MACF1: variants seen among roughly 807,000 people sequenced by gnomAD.
MACF1 encodes the protein microtubule-actin cross-linking factor 1.
Under a neutral mutation model 854.8 loss-of-function variants are expected in MACF1, and 193 were observed. The ratio of observed to expected loss-of-function variants is 0.23; its 90% CI spans 0.20 to 0.25. The LOEUF (loss-of-function observed/expected upper bound fraction) is 0.25, where lower values mean the gene tolerates loss of function less well. MACF1 is among the 10% of genes least tolerant of loss of function. The pLI is 1.00. For missense variants in MACF1, 7,722 were observed against 8,929.1 expected (o/e 0.86, Z 5.45); for synonymous variants, 3,185 against 3,226.7 (o/e 0.99, Z 0.44).
At chr1:39,129,129 G>T (rs1341118082) in intron 2 of MACF1, among the ~76,000 whole-genome samples, 1 of 152,116 alleles carries the variant, frequency 6.6e-6, no homozygotes, top group African/African-American at 2.4e-5. Context: ...AAGCCTAAGG[G>T]AACACTTACC....
Position 39,486,358 on chromosome 1 carries a change from A to G in MACF1, c.*564A>G, listed in dbSNP as rs1224471791. 1 of 152,698 alleles carries G rather than the reference A, an allele frequency of 6.5e-6. No individual in the cohort carries two copies. Among genetic ancestry groups the G allele is most frequent in the African/African-American group, 2.4e-5 (1 of 41,476 alleles). The allele number at this position is 152,698 out of a possible 1,614,324, so 9.5% of individuals were successfully genotyped here. A position where few individuals can be genotyped will look rare whatever the true frequency, so the allele number is the denominator to read the frequency against. On this transcript the variant is annotated 3_prime_UTR_variant, in exon 101 of 101. Coordinates refer to ENST00000564288, the MANE Select transcript of MACF1 (RefSeq NM_001394062.1). Reference sequence around the variant, plus strand: ...AACCTCATCTAAGTAACATTTGCACATGATACAGCAAAAGGAGTTCATTGC... The same window carrying G: ...AACCTCATCTAAGTAACATTTGCACGTGATACAGCAAAAGGAGTTCATTGC...
intron 2 of MACF1, among the ~76,000 whole-genome samples, chr1:39,191,414 C>T (rs1366932377): frequency 6.6e-6 from 1 of 152,184 alleles, no homozygotes; most frequent in Non-Finnish European, 1.5e-5. Flanking sequence ...AGATTCATGT[C>T]TGAAGGATTA....
intron 38 of MACF1, among the ~76,000 whole-genome samples, chr1:39,338,722 A>G (rs767480691): frequency 2.6e-5 from 4 of 152,208 alleles, no homozygotes; most frequent in Non-Finnish European, 4.4e-5. Flanking sequence ...GTTCACATAC[A>G]TACTGAATTT....
intron 6 of MACF1, among the ~76,000 whole-genome samples, chr1:39,272,352 A>G (rs1645340150): frequency 6.6e-6 from 1 of 152,134 alleles, no homozygotes; most frequent in South Asian, 2.1e-4. Context: ...AGAGAAACAG[A>G]GAGGGCAACG....
chr1:39,361,252 T>A, intron 48 of MACF1, 108 bp from the exon 49 acceptor site: 1 of 1,095,810 alleles, frequency 9.1e-7, no homozygotes, highest in Non-Finnish European at 1.3e-6. Context: ...GGAGGCTCGG[T>A]TGCAGTCCTC....
intron 1 of MACF1, among the ~76,000 whole-genome samples, chr1:39,208,953 CAG>C (rs1482896414): frequency 1.3e-5 from 2 of 151,830 alleles, no homozygotes; most frequent in African/African-American, 4.8e-5. Flanking sequence ...TGAGGCAAAA[CAG>C]ATGTCAGTAA....
chr1:39,194,290 A>G (rs1298026056), intron 2 of MACF1, among the ~76,000 whole-genome samples: 2 of 148,296 alleles, frequency 1.3e-5, no homozygotes, highest in African/African-American at 5.0e-5. Context: ...GGCAGAATCC[A>G]TATCCGGAGG....
At chr1:39,390,674 C>T (rs971055798) in intron 58 of MACF1, among the ~76,000 whole-genome samples, 6 of 152,166 alleles carry the variant, frequency 3.9e-5, no homozygotes, top group Admixed American at 6.6e-5. Flanking sequence ...TTATAAGTGT[C>T]TCAAAAGCAG....
chr1:39,121,430 T>C (rs1642707486), intron 2 of MACF1, among the ~76,000 whole-genome samples: 1 of 152,036 alleles, frequency 6.6e-6, no homozygotes, highest in Admixed American at 6.6e-5. Context: ...ATGCCGGGTA[T>C]TTTGTTTTAT....
At chr1:39,417,255 C>G (rs1233361561) in intron 58 of MACF1, among the ~76,000 whole-genome samples, 1 of 152,214 alleles carries the variant, frequency 6.6e-6, no homozygotes, top group Non-Finnish European at 1.5e-5. Flanking sequence ...GTAATGGGAT[C>G]TGAGGCCTAC....
chr1:39,185,064 G>A (rs1328292804), intron 2 of MACF1, among the ~76,000 whole-genome samples: 1 of 152,212 alleles, frequency 6.6e-6, no homozygotes, highest in Non-Finnish European at 1.5e-5. Context: ...GGCCGAGGCA[G>A]GTGGATCACG....
chr1:39,455,727 T>C lies in MACF1; in HGVS notation c.21075+630T>C, dbSNP rs190036250. Among the ~76,000 whole-genome samples, 13 of 152,316 alleles carry C rather than the reference T, an allele frequency of 8.5e-5. 1 individual carries two copies. The highest frequency in any genetic ancestry group is 3.3e-4 in the Admixed American group (5 of 15,300). On this transcript the variant is annotated intron_variant, in intron 89 of 100. Transcript: ENST00000564288. ...GCCAGGGTCCCACTGGTCCCCATTA[T>C]ACCTGGTTCAGAAAGCTCTCTCGCA...
chr1:39,454,929 G>T lies in MACF1; in HGVS notation c.20907G>T (p.Gln6969His). Residue 6969 changes from glutamine (Q) to histidine (H), a missense_variant, in exon 89 of 101, where the codon CAG becomes CAT. By Grantham distance (24) the Gln-to-His change is conservative. This residue lies in a region of MACF1 where 729 missense variants were observed against 900.5 expected (regional missense o/e 0.81). Transcript: ENST00000564288. ...CACAGGTCCTGACATGGGCTAAGCA[G>T]CACCAGCAGCGTCTTGAAACGGCCT... ...RFEEVLTWAK[Q>H]HQQRLETALS... is the part of the protein sequence containing the mutation. 1 of 1,614,112 alleles carries T rather than the reference G, an allele frequency of 6.2e-7. No homozygotes were observed. Among genetic ancestry groups the T allele is most frequent in the Non-Finnish European group, 8.5e-7 (1 of 1,179,982 alleles).
chr1:39,095,012 T>A (rs1024661543), intron 2 of MACF1, among the ~76,000 whole-genome samples: 1 of 152,156 alleles, frequency 6.6e-6, no homozygotes, highest in Non-Finnish European at 1.5e-5. Flanking sequence ...TATGCCACCC[T>A]TCAGGAATCT....
intron 1 of MACF1, among the ~76,000 whole-genome samples, chr1:39,209,795 T>C (rs1160194285): frequency 1.3e-5 from 2 of 152,062 alleles, no homozygotes; most frequent in Admixed American, 6.6e-5. Flanking sequence ...ATAAGACTTA[T>C]AGGTATCCTA....
chr1:39,206,675 C>T (rs1244249077), intron 1 of MACF1: 1 of 151,974 alleles, frequency 6.6e-6, no homozygotes, highest in Non-Finnish European at 1.5e-5. Context: ...ATAGTTATAT[C>T]GGGAATGTGC....
At chr1:39,323,530 C>A (rs2148456309) in intron 33 of MACF1, among the ~76,000 whole-genome samples, 1 of 151,560 alleles carries the variant, frequency 6.6e-6, no homozygotes, top group South Asian at 2.1e-4. Flanking sequence ...TCATTAAAAA[C>A]AAAACTGTGT....
At chr1:39,304,810 C>T (rs1646135090) in intron 23 of MACF1, 2 of 236,950 alleles carry the variant, frequency 8.4e-6, no homozygotes, top group South Asian at 1.1e-4. Context: ...GATCCACCCA[C>T]CTTGGCCTCC....
At chr1:39,458,571 A>T in intron 90 of MACF1, 81 bp downstream of exon 90, 1 of 1,483,702 alleles carries the variant, frequency 6.7e-7, no homozygotes, top group Middle Eastern at 1.8e-4. Context: ...TATCAAAAAA[A>T]ATTATATTCC....
Sources: gnomAD v4.1 joint callset for allele counts (sites outside exome capture counted in the v4.1 genomes callset) on GRCh38, gnomAD v4.1.1 for gene constraint, gnomAD v4.1.1 regional missense constraint, MANE v1.5 for transcripts, NCBI Gene and HGNC (gene_info 2026-07-23, HGNC 2026-07-21) for gene names.